The following CCN4 variants were observed in gnomAD, a reference collection of about 807,000 sequenced individuals.
CCN4 encodes the protein CCN family member 4.
A neutral mutation model predicts 36.7 loss-of-function variants in CCN4; 30 were observed. The observed-to-expected ratio is 0.82, with a 90% CI of 0.61 to 1.11. The LOEUF (loss-of-function observed/expected upper bound fraction) is 1.11, where lower values mean the gene tolerates loss of function less well. Among genes scored for constraint, CCN4 ranks in the 50% least tolerant of loss-of-function variants. The pLI is 0.00. For missense variants in CCN4, 505 were observed against 504.9 expected (o/e 1.00, Z 0.00); for synonymous variants, 191 against 195.4 (o/e 0.98, Z 0.19).
intron 3 of CCN4, among the ~76,000 whole-genome samples, chr8:133,223,509 T>C (rs1327837158): frequency 6.6e-6 from 1 of 152,192 alleles, no homozygotes; most frequent in Non-Finnish European, 1.5e-5. Context: ...AGGAACTGAC[T>C]TACCTTTCCT....
intron 1 of CCN4, among the ~76,000 whole-genome samples, chr8:133,201,766 T>C (rs1338852589): frequency 6.6e-6 from 1 of 151,900 alleles, no homozygotes; most frequent in East Asian, 1.9e-4. Context: ...TCACTTGAAC[T>C]CTGGAGGCAG....
rs148721831 is a variant in CCN4 at position 133,206,144 on chromosome 8, C to G, written c.70-6720C>G. Among the ~76,000 whole-genome samples, 44 of 152,320 alleles carry G rather than the reference C, an allele frequency of 2.9e-4. No homozygotes were observed. In the East Asian group the frequency reaches 4.1e-3, roughly 14 times the overall value. On this transcript the variant is annotated intron_variant, in intron 1 of 4. Coordinates refer to ENST00000250160, the MANE Select transcript of CCN4 (RefSeq NM_003882.4). ...TACAGCTGGTTTACCTATGGAGCCA[C>G]AGCTCTGACCCAGAGGCGCCACACA... is the stretch of plus-strand genomic sequence containing the variant.
At chr8:133,205,910 T>C (rs2130555849) in intron 1 of CCN4, among the ~76,000 whole-genome samples, 1 of 152,316 alleles carries the variant, frequency 6.6e-6, no homozygotes, top group Non-Finnish European at 1.5e-5. Flanking sequence ...AGCAAATAGG[T>C]ATTTGTTTTG....
At chr8:133,196,140 G>C (rs540591823) in intron 1 of CCN4, among the ~76,000 whole-genome samples, 13 of 152,304 alleles carry the variant, frequency 8.5e-5, no homozygotes, top group African/African-American at 3.1e-4. Flanking sequence ...TGGTGGCAAG[G>C]GTTCACACTG....
intron 3 of CCN4, 87 bp from the exon 4 acceptor site, chr8:133,225,303 G>C (rs1854685210): frequency 2.2e-6 from 3 of 1,378,122 alleles, no homozygotes; most frequent in African/African-American, 2.9e-5. Context: ...CTGAGTTCTG[G>C]GGACCGCAGA....
rs1346156259 is a variant in CCN4, at chr8:133,230,601, T to C, written c.*2891T>C. On this transcript the variant is annotated 3_prime_UTR_variant, in exon 5 of 5. Coordinates refer to ENST00000250160, the MANE Select transcript of CCN4 (RefSeq NM_003882.4). ...AGGGGCTTCAAACAGACCAAATAGATCATCACCTCTGTGGTCCCTTGTTAA... is the reference window on the plus strand; with the variant it reads ...AGGGGCTTCAAACAGACCAAATAGACCATCACCTCTGTGGTCCCTTGTTAA... 4 of 152,150 alleles carry C rather than the reference T, an allele frequency of 2.6e-5. No individual in the cohort carries two copies. The highest frequency in any genetic ancestry group is 5.9e-5 in the Non-Finnish European group (4 of 68,038). The allele number at this position is 152,150 out of a possible 1,614,324, so 9.4% of individuals were successfully genotyped here.
At chr8:133,202,617 T>C (rs909367480) in intron 1 of CCN4, among the ~76,000 whole-genome samples, 1 of 152,212 alleles carries the variant, frequency 6.6e-6, no homozygotes, top group Non-Finnish European at 1.5e-5. Context: ...CTACATCCCA[T>C]AACATGCAGC....
intron 1 of CCN4, among the ~76,000 whole-genome samples, chr8:133,209,365 T>C (rs1853901788): frequency 6.6e-6 from 1 of 152,206 alleles, no homozygotes; most frequent in Non-Finnish European, 1.5e-5. Context: ...CCTCATGCCC[T>C]GGGGTCCAGA....
At chr8:133,204,299 C>T (rs1034361662) in intron 1 of CCN4, among the ~76,000 whole-genome samples, 4 of 152,126 alleles carry the variant, frequency 2.6e-5, no homozygotes, top group African/African-American at 7.2e-5. Flanking sequence ...TCACAGAATG[C>T]GGTATGTTCT....
At chr8:133,197,956 C>T (rs1357237472) in intron 1 of CCN4, among the ~76,000 whole-genome samples, 1 of 152,150 alleles carries the variant, frequency 6.6e-6, no homozygotes, top group Non-Finnish European at 1.5e-5. Context: ...GACTCATACC[C>T]CTGCCCTCAG....
At chr8:133,225,192 T>C (rs1202253212) in intron 3 of CCN4, among the ~76,000 whole-genome samples, 198 bp from the exon 4 acceptor site, 1 of 152,152 alleles carries the variant, frequency 6.6e-6, no homozygotes, top group African/African-American at 2.4e-5. Context: ...ATCAGAAACA[T>C]ACAAGGAGCT....
chr8:133,203,398 G>C (rs1167454733), intron 1 of CCN4, among the ~76,000 whole-genome samples: 1 of 152,168 alleles, frequency 6.6e-6, no homozygotes, highest in Non-Finnish European at 1.5e-5. Context: ...AAATGAATGA[G>C]GGAGCCGTGC....
chr8:133,198,878 C>T (rs1255386489), intron 1 of CCN4, among the ~76,000 whole-genome samples: 1 of 152,238 alleles, frequency 6.6e-6, no homozygotes, highest in Admixed American at 6.5e-5. Context: ...CATGCTGTGC[C>T]CTCTACCAGG....
chr8:133,197,692 A>T (rs750838024), intron 1 of CCN4, among the ~76,000 whole-genome samples: 3 of 152,188 alleles, frequency 2.0e-5, no homozygotes, highest in Non-Finnish European at 4.4e-5. Flanking sequence ...CACCGTCTCC[A>T]ATCTGGAGGC....
chr8:133,227,717 A>C lies in CCN4; in HGVS notation c.*7A>C, dbSNP rs770795586. Reference sequence around the variant, plus strand: ...CTCAGAAATTGCCAACTAGGCAGGCACAAATCTTGGGTCTTGGGGACTAAC... The same window carrying C: ...CTCAGAAATTGCCAACTAGGCAGGCCCAAATCTTGGGTCTTGGGGACTAAC... On this transcript the variant is annotated 3_prime_UTR_variant, in exon 5 of 5. Transcript: ENST00000250160. 6.2e-7 allele frequency: 1 copy of C among 1,609,686 alleles called. No homozygotes were observed. Among genetic ancestry groups the C allele is most frequent in the South Asian group, 1.1e-5 (1 of 90,606 alleles).
chr8:133,214,527 T>C (rs1327420307), intron 2 of CCN4, among the ~76,000 whole-genome samples: 1 of 152,092 alleles, frequency 6.6e-6, no homozygotes, highest in East Asian at 1.9e-4. Context: ...GTTGTTGTTG[T>C]TGTTAGTTGT....
In CCN4 at chr8:133,225,471, GC is replaced by G. The variant is rs1854694529; in HGVS notation, c.694del (p.Leu232TrpfsTer52). 1 of 1,613,986 alleles carries G rather than the reference GC, an allele frequency of 6.2e-7. No homozygotes were observed. On this transcript the variant is annotated frameshift_variant, in exon 4 of 5. Coordinates refer to ENST00000250160, the MANE Select transcript of CCN4 (RefSeq NM_003882.4). LOFTEE classifies it high-confidence loss of function. The part of the protein sequence containing the change: ...SPWSPCSTSC[G>X]LGVSTRISNV... ...TGGAGCCCTTGCTCCACCAGCTGCG[GC>G]CTGGGGGTCTCCACTCGGATCTCCA...
intron 2 of CCN4, among the ~76,000 whole-genome samples, chr8:133,215,197 C>A (rs2130592712): frequency 6.6e-6 from 1 of 152,254 alleles, no homozygotes; most frequent in East Asian, 1.9e-4. Context: ...TGAGCCCCAC[C>A]CCAGACTTGT....
At chr8:133,208,736 T>G (rs10094601) in intron 1 of CCN4, among the ~76,000 whole-genome samples, 59,661 of 151,778 alleles carry the variant, frequency 0.39, 14,440 homozygotes, top group African/African-American at 0.69. Context: ...CCGTTCCCAG[T>G]GCCTCCTGTC....
Sources: allele counts gnomAD v4.1 joint callset (sites outside exome capture counted in the v4.1 genomes callset), GRCh38; gene constraint gnomAD v4.1.1; transcripts MANE v1.5; gene names NCBI Gene and HGNC (gene_info 2026-07-23, HGNC 2026-07-21).